Variants in COL19A1 observed in about 807,000 individuals in gnomAD.
COL19A1 encodes the protein collagen alpha-1(XIX) chain.
Under a neutral mutation model 190.2 loss-of-function variants are expected in COL19A1, and 159 were observed. That is an observed-to-expected ratio of 0.84 (90% CI 0.73 to 0.95). The LOEUF (loss-of-function observed/expected upper bound fraction) is 0.95, where lower values mean the gene tolerates loss of function less well. Ranked by LOEUF, COL19A1 falls within the 40% of genes least tolerant of loss-of-function variation. The pLI is 0.00. For synonymous variants in COL19A1, 509 were observed against 458.9 expected (o/e 1.11, Z -1.39); for missense variants, 1,418 against 1,431.9 (o/e 0.99, Z 0.16).
In COL19A1 at chr6:70,174,825, A is replaced by G. The variant is rs140106311; in HGVS notation, c.2623-1695A>G. Among the ~76,000 whole-genome samples, 684 of 152,304 alleles carry G rather than the reference A, an allele frequency of 4.5e-3. 7 individuals carry two copies. Among genetic ancestry groups the G allele is most frequent in the African/African-American group, 0.014 (565 of 41,556 alleles). On this transcript the variant is annotated intron_variant, in intron 41 of 50. Transcript: ENST00000620364. ...GAGTGAAAGATAACAAATTTGTACC[A>G]TCAATGGATTAGGGTTTAGGGGTTC...
intron 9 of COL19A1, among the ~76,000 whole-genome samples, chr6:69,959,560 A>C (rs1281950733): frequency 6.6e-6 from 1 of 152,176 alleles, no homozygotes; most frequent in Admixed American, 6.5e-5. Context: ...ACCTGTAAGA[A>C]GTTCATTGAG....
chr6:70,116,165 C>T (rs1202565063), intron 16 of COL19A1, among the ~76,000 whole-genome samples: 1 of 152,138 alleles, frequency 6.6e-6, no homozygotes, highest in Non-Finnish European at 1.5e-5. Context: ...CTGGAGCTCA[C>T]TATAACTATG....
chr6:70,175,106 G>C (rs1765724943), intron 41 of COL19A1, among the ~76,000 whole-genome samples: 1 of 152,100 alleles, frequency 6.6e-6, no homozygotes, highest in African/African-American at 2.4e-5. Flanking sequence ...AAGGAACAGA[G>C]GGAAATTGAT....
Position 69,921,447 on chromosome 6 carries a change from TATATCATATATATCATATATATTC to T in COL19A1, c.267-6457_267-6434del, listed in dbSNP as rs1266589095. On this transcript the variant is annotated intron_variant, in intron 4 of 50. Transcript: ENST00000620364. ...TATATCATATATATCATATATATCA[TATATCATATATATCATATATATTC>T]ATATATTCATATATATTCATATATA... Among the ~76,000 whole-genome samples the T allele has an allele frequency of 2.0e-4, 8 of 40,494 alleles. 1 individual carries two copies. The highest frequency in any genetic ancestry group is 8.8e-4 in the African/African-American group (8 of 9,054). 26.6% of individuals were successfully genotyped at this position (40,494 alleles called of 152,430 possible).
intron 15 of COL19A1, among the ~76,000 whole-genome samples, chr6:70,095,484 C>T (rs1198249774): frequency 6.6e-6 from 1 of 152,078 alleles, no homozygotes; most frequent in African/African-American, 2.4e-5. Context: ...ATTAGAACTA[C>T]CATGTACTGG....
chr6:70,118,769 CA>C (rs970881764), intron 16 of COL19A1, among the ~76,000 whole-genome samples: 22 of 151,884 alleles, frequency 1.4e-4, no homozygotes, highest in African/African-American at 5.3e-4. Flanking sequence ...TAATAACGTT[CA>C]ACCTTTTCTG....
chr6:69,908,851 C>G (rs754825188), intron 4 of COL19A1, among the ~76,000 whole-genome samples: 23 of 152,010 alleles, frequency 1.5e-4, no homozygotes, highest in Non-Finnish European at 2.9e-4. Flanking sequence ...TTGGACTTGA[C>G]CATTCATTTA....
intron 9 of COL19A1, among the ~76,000 whole-genome samples, chr6:69,955,809 C>CT (rs965984132): frequency 2.6e-5 from 4 of 151,942 alleles, no homozygotes; most frequent in African/African-American, 4.8e-5. Flanking sequence ...AGACCTATAA[C>CT]TTTTTTTCTG....
chr6:69,911,270 A>G (rs1299309870), intron 4 of COL19A1, among the ~76,000 whole-genome samples: 1 of 152,218 alleles, frequency 6.6e-6, no homozygotes, highest in Non-Finnish European at 1.5e-5. Flanking sequence ...TGCTAATTAG[A>G]AAATAAACAT....
At chr6:69,960,087 T>C in intron 10 of COL19A1, 47 bp downstream of exon 10, 5 of 1,553,104 alleles carry the variant, frequency 3.2e-6, no homozygotes, top group Non-Finnish European at 4.4e-6. Flanking sequence ...TTTTAACGTG[T>C]TAAAAATAAA....
intron 4 of COL19A1, among the ~76,000 whole-genome samples, chr6:69,915,090 A>G (rs1465728760): frequency 1.3e-5 from 2 of 152,232 alleles, no homozygotes; most frequent in East Asian, 1.9e-4. Context: ...GTTACTACAC[A>G]GAGACGTAAC....
In COL19A1 at chr6:70,207,148, T is replaced by C. The variant is rs1767927275; in HGVS notation, c.3303T>C (p.Ala1101=). 6.2e-7 allele frequency: 1 copy of C among 1,613,106 alleles called. No homozygotes were observed. Among genetic ancestry groups the C allele is most frequent in the African/African-American group, 1.3e-5 (1 of 74,768 alleles). Residue 1101 remains alanine, a splice_region_variant and synonymous_variant, in exon 51 of 51, where the codon GCT becomes GCC. Coordinates refer to ENST00000620364, the MANE Select transcript of COL19A1 (RefSeq NM_001858.6). Reference sequence around the variant, plus strand: ...GTAATTTTTTTTTTATGTCGTTAGCTCTGGGTTTGCCAGGCTCACCAGGTG... The same window carrying C: ...GTAATTTTTTTTTTATGTCGTTAGCCCTGGGTTTGCCAGGCTCACCAGGTG... ...PGSPGLPGTS[A]LGLPGSPGAP... is the part of the protein sequence containing the mutation.
At chr6:70,010,614 A>G (rs1243733262) in intron 11 of COL19A1, among the ~76,000 whole-genome samples, 1 of 140,436 alleles carries the variant, frequency 7.1e-6, no homozygotes, top group Non-Finnish European at 1.5e-5. Flanking sequence ...CACCTGGAAA[A>G]TAGGGTCACT....
chr6:69,959,629 G>A (rs887419799), intron 9 of COL19A1, among the ~76,000 whole-genome samples: 16 of 152,106 alleles, frequency 1.1e-4, no homozygotes, highest in African/African-American at 3.6e-4. Flanking sequence ...CCCATAGAAA[G>A]CACGATGTCA....
At chr6:70,075,602 C>T (rs1171535563) in intron 15 of COL19A1, among the ~76,000 whole-genome samples, 3 of 152,148 alleles carry the variant, frequency 2.0e-5, no homozygotes, top group Admixed American at 2.0e-4. Flanking sequence ...ATCAGATGAA[C>T]AAGAGATGTA....
At chr6:69,993,079 T>C (rs1257667510) in intron 11 of COL19A1, among the ~76,000 whole-genome samples, 2 of 152,160 alleles carry the variant, frequency 1.3e-5, no homozygotes, top group Non-Finnish European at 2.9e-5. Flanking sequence ...CGGTATAATG[T>C]TGGCTGTGGG....
intron 11 of COL19A1, among the ~76,000 whole-genome samples, chr6:69,966,797 A>T (rs984974707): frequency 6.6e-6 from 1 of 151,728 alleles, no homozygotes; most frequent in African/African-American, 2.4e-5. Flanking sequence ...AAAAAAAAAG[A>T]AAAAGGCCAT....
chr6:70,142,945 C>A (rs1786359352), intron 23 of COL19A1, 125 bp downstream of exon 23: 8 of 806,968 alleles, frequency 9.9e-6, no homozygotes, highest in Non-Finnish European at 1.6e-5. Context: ...GTCATCTATG[C>A]CACAAAAACT....
chr6:70,070,836 T>C (rs767270247), intron 15 of COL19A1, among the ~76,000 whole-genome samples: 4 of 152,086 alleles, frequency 2.6e-5, no homozygotes, highest in Non-Finnish European at 5.9e-5. Flanking sequence ...ATAATTTTTC[T>C]ATTTCACTAA....
Sources: gnomAD v4.1 joint callset for allele counts (sites outside exome capture counted in the v4.1 genomes callset) on GRCh38, gnomAD v4.1.1 for gene constraint, MANE v1.5 for transcripts, NCBI Gene and HGNC (gene_info 2026-07-23, HGNC 2026-07-21) for gene names.